Variants in PDE4B observed in about 807,000 individuals in gnomAD.
The protein encoded by PDE4B is 3',5'-cyclic-AMP phosphodiesterase 4B.
Under a neutral mutation model 82.2 loss-of-function variants are expected in PDE4B, and 20 were observed. That is an observed-to-expected ratio of 0.24 (90% CI 0.17 to 0.35). The LOEUF (loss-of-function observed/expected upper bound fraction) is 0.35. Ranked by LOEUF, PDE4B falls within the 10% of genes least tolerant of loss-of-function variation. PDE4B has a pLI of 1.00. For missense variants in PDE4B, 655 were observed against 907.2 expected, an observed-to-expected ratio of 0.72 and a Z score of 3.57; for synonymous variants, 320 against 318.9, an observed-to-expected ratio of 1.00 and a Z score of -0.04.
intron 3 of PDE4B, among the ~76,000 whole-genome samples, chr1:66,127,923 T>C (rs563565152): frequency 4.4e-4 from 67 of 152,296 alleles, no homozygotes; most frequent in Middle Eastern, 3.4e-3. Flanking sequence ...GTGACTTTGA[T>C]TGGGGGATTT....
intron 3 of PDE4B, among the ~76,000 whole-genome samples, chr1:66,128,351 T>G (rs1645866315): frequency 6.6e-6 from 1 of 152,248 alleles, no homozygotes; most frequent in Non-Finnish European, 1.5e-5. Flanking sequence ...ATTTGTGTAA[T>G]TTTCATTGTA....
chr1:66,261,956 G>C lies in PDE4B; in HGVS notation c.585-4082G>C, dbSNP rs140452718. Among the ~76,000 whole-genome samples, 446 of 152,302 alleles carry C rather than the reference G, an allele frequency of 2.9e-3. 1 individual carries two copies. Among genetic ancestry groups the C allele is most frequent in the Middle Eastern group, 6.8e-3 (2 of 294 alleles). On this transcript the variant is annotated intron_variant, in intron 6 of 16. Coordinates refer to ENST00000341517, the MANE Select transcript of PDE4B (RefSeq NM_002600.4). The stretch of plus-strand genomic sequence containing the variant: ...CACCATTCAGCAGTCTGATAGCCAG[G>C]GGATGGAGCTGGGAGCAAATAGGTG...
chr1:65,941,058 G>C (rs1026019825), intron 3 of PDE4B, among the ~76,000 whole-genome samples: 2 of 151,956 alleles, frequency 1.3e-5, no homozygotes, highest in Non-Finnish European at 2.9e-5. Flanking sequence ...TAAAGGATGA[G>C]AGCATTCTTA....
intron 3 of PDE4B, among the ~76,000 whole-genome samples, chr1:66,160,194 G>C (rs1281415055): frequency 6.6e-6 from 1 of 152,148 alleles, no homozygotes; most frequent in Non-Finnish European, 1.5e-5. Context: ...GTAGGACTGA[G>C]AGAATTTACC....
At chr1:65,988,045 C>A (rs1358784012) in intron 3 of PDE4B, among the ~76,000 whole-genome samples, 1 of 152,164 alleles carries the variant, frequency 6.6e-6, no homozygotes, top group Non-Finnish European at 1.5e-5. Flanking sequence ...CAGTATTGAA[C>A]AAGACTCAGC....
At chr1:66,297,123 T>C (rs946041789) in intron 7 of PDE4B, among the ~76,000 whole-genome samples, 6 of 152,070 alleles carry the variant, frequency 3.9e-5, no homozygotes, top group African/African-American at 1.4e-4. Context: ...AATATTAGAC[T>C]CACACAGATT....
intron 3 of PDE4B, among the ~76,000 whole-genome samples, chr1:66,245,334 G>T (rs1653222679): frequency 6.6e-6 from 1 of 152,142 alleles, no homozygotes; most frequent in Non-Finnish European, 1.5e-5. Flanking sequence ...ATAAATACAT[G>T]AAATTTCTAA....
chr1:66,362,525 A>C (rs1662862452), intron 10 of PDE4B, among the ~76,000 whole-genome samples: 1 of 152,144 alleles, frequency 6.6e-6, no homozygotes, highest in East Asian at 1.9e-4. Context: ...TGGATCTCTT[A>C]CTCTGGATAG....
intron 4 of PDE4B, among the ~76,000 whole-genome samples, chr1:66,256,139 A>G (rs1487799771): frequency 2.0e-5 from 3 of 152,174 alleles, no homozygotes; most frequent in Non-Finnish European, 2.9e-5. Context: ...TCACTCCACT[A>G]CACTCCAGCC....
Position 66,266,099 on chromosome 1 carries a change from CAT to C in PDE4B, c.634+14_634+15del. ...AGTCAACCCACAAGGTAGGCCATGT[CAT>C]AAGGTCTATCTAGATGTTTCAAGAT... On this transcript the variant is annotated intron_variant, in intron 7 of 16. Coordinates refer to ENST00000341517, the MANE Select transcript of PDE4B (RefSeq NM_002600.4). 2 of 1,596,206 alleles carry C rather than the reference CAT, an allele frequency of 1.3e-6. No homozygotes were observed. The highest frequency in any genetic ancestry group is 1.7e-6 in the Non-Finnish European group (2 of 1,163,722).
intron 3 of PDE4B, among the ~76,000 whole-genome samples, chr1:65,985,635 G>T (rs1650916309): frequency 6.6e-6 from 1 of 151,964 alleles, no homozygotes; most frequent in African/African-American, 2.4e-5. Flanking sequence ...CTTTTAGTGT[G>T]GTTTTTACAA....
chr1:65,907,310 T>C (rs147544257), intron 1 of PDE4B, among the ~76,000 whole-genome samples: 32 of 152,312 alleles, frequency 2.1e-4, no homozygotes, highest in African/African-American at 6.7e-4. Context: ...AATTCTGATA[T>C]GTTTATCTAA....
chr1:66,062,900 G>C (rs1425185661), intron 3 of PDE4B: 1 of 151,990 alleles, frequency 6.6e-6, no homozygotes, highest in African/African-American at 2.4e-5. Flanking sequence ...TTAGTGCAGT[G>C]AAGAACATGC....
intron 3 of PDE4B, among the ~76,000 whole-genome samples, chr1:66,235,411 A>G (rs1019255925): frequency 3.3e-5 from 5 of 152,154 alleles, no homozygotes; most frequent in Non-Finnish European, 7.4e-5. Flanking sequence ...GAATTGTTAT[A>G]TTCTCAAGAA....
At chr1:66,279,134 C>T (rs1656102918) in intron 7 of PDE4B, among the ~76,000 whole-genome samples, 1 of 152,166 alleles carries the variant, frequency 6.6e-6, no homozygotes, top group African/African-American at 2.4e-5. Context: ...AATTTAAATA[C>T]TTCCCTCTGG....
In PDE4B at chr1:66,253,808, A is replaced by G. The variant is rs558931087; in HGVS notation, c.477-3839A>G. Among the ~76,000 whole-genome samples the G allele has an allele frequency of 9.2e-5, 14 of 152,338 alleles. No homozygotes were observed. The South Asian group carries it at 2.7e-3, about 29-fold the overall frequency. ...TTCTCTAATAGCAATTTTCTAACAT[A>G]CAGCATTAGCTTTGGCAGCTCAAAT... On this transcript the variant is annotated intron_variant, in intron 4 of 16. Transcript: ENST00000341517.
chr1:66,359,921 A>T (rs1325863001), intron 9 of PDE4B, among the ~76,000 whole-genome samples: 2 of 152,200 alleles, frequency 1.3e-5, no homozygotes, highest in Non-Finnish European at 2.9e-5. Context: ...GTCTGGAGCA[A>T]AGTAATTGCA....
Position 66,150,272 on chromosome 1 carries a change from G to GA in PDE4B, c.282-97179dup, listed in dbSNP as rs552172100. On this transcript the variant is annotated intron_variant, in intron 3 of 16. Coordinates refer to ENST00000341517, the MANE Select transcript of PDE4B (RefSeq NM_002600.4). ...GGAATCAGCTTTTCAATTTCTGAAA[G>GA]AAAAAAAAAGGGCCAATGGAATTGT... 5.3e-5 allele frequency among the ~76,000 whole-genome samples: 8 copies of GA among 150,540 alleles called. No individual in the cohort carries two copies. The South Asian group carries it at 1.3e-3, about 24-fold the overall frequency.
At chr1:66,302,097 G>A (rs1023185702) in intron 7 of PDE4B, among the ~76,000 whole-genome samples, 10 of 152,264 alleles carry the variant, frequency 6.6e-5, no homozygotes, top group East Asian at 1.9e-4. Context: ...AAACTGCTTC[G>A]AAATTGCAGT....
Sources: gnomAD v4.1 joint callset for allele counts (sites outside exome capture counted in the v4.1 genomes callset) on GRCh38, gnomAD v4.1.1 for gene constraint, MANE v1.5 for transcripts, NCBI Gene and HGNC (gene_info 2026-07-23, HGNC 2026-07-21) for gene names.